COMMD5: variants seen among roughly 807,000 people sequenced by gnomAD.
COMMD5 encodes the protein COMM domain-containing protein 5.
COMMD5 carries 10 observed loss-of-function variants against 6.9 expected under a neutral mutation model. The ratio of observed to expected loss-of-function variants is 1.44; its 90% CI spans 0.89 to 2.45. The LOEUF (loss-of-function observed/expected upper bound fraction) is 2.45. COMMD5 is among the 30% of genes most tolerant of loss of function. COMMD5 has a pLI of 0.00. For synonymous variants in COMMD5, 127 were observed against 125.3 expected (o/e 1.01, Z -0.09); for missense variants, 234 against 287.8 (o/e 0.81, Z 1.35).
exon 2 of COMMD5, chr8:144,841,706 A>C: frequency 6.2e-7 from 1 of 1,614,184 alleles, no homozygotes; most frequent in Non-Finnish European, 8.5e-7. Context: ...AGATGCGAGG[A>C]GTGTGGCAAA....
In COMMD5 at chr8:144,851,099, C is replaced by T. The variant is rs1196595488; in HGVS notation, c.240G>A (p.Glu80=). ...RLGVSANLPE[E]QLGALLAGMH... Reference sequence around the variant, plus strand: ...TGCCTGCCAGCAGGGCACCCAGCTGCTCCTCCGGCAGGTTGGCGCTGACCC... The same window carrying T: ...TGCCTGCCAGCAGGGCACCCAGCTGTTCCTCCGGCAGGTTGGCGCTGACCC... Residue 80 remains glutamate (E), a synonymous_variant, in exon 2 of 2, where the codon GAG becomes GAA. Transcript: ENST00000305103. 2 of 1,612,160 alleles carry T rather than the reference C, an allele frequency of 1.2e-6. No homozygotes were observed. The highest frequency in any genetic ancestry group is 1.1e-5 in the South Asian group (1 of 90,986).
rs556218857 is a variant in COMMD5, at chr8:144,852,912, C to T, written c.-131G>A. On this transcript the variant is annotated 5_prime_UTR_variant, in exon 1 of 2. Transcript: ENST00000305103. ...GAACACAGCGGCGAAGCAGCCTTTCCTAGGCCCACACCCCCAGCTCGGGAG... is the reference window on the plus strand; with the variant it reads ...GAACACAGCGGCGAAGCAGCCTTTCTTAGGCCCACACCCCCAGCTCGGGAG... The T allele has an allele frequency of 1.3e-5, 2 of 152,560 alleles. No individual in the cohort carries two copies. The highest frequency in any genetic ancestry group is 2.1e-4 in the South Asian group (1 of 4,832). 9.5% of individuals were successfully genotyped at this position (152,560 alleles called of 1,614,324 possible). A position where few individuals can be genotyped will look rare whatever the true frequency, so the allele number is the denominator to read the frequency against.
intron 1 of COMMD5, chr8:144,842,254 A>G: frequency 6.2e-7 from 1 of 1,614,184 alleles, no homozygotes; most frequent in African/African-American, 1.3e-5. Flanking sequence ...GCATCAAAGG[A>G]TGCATACTGG....
At chr8:144,844,118 G>GT (rs1830341432) in intron 1 of COMMD5, among the ~76,000 whole-genome samples, 1 of 152,230 alleles carries the variant, frequency 6.6e-6, no homozygotes, top group South Asian at 2.1e-4. Context: ...GGCTTGCTGT[G>GT]TGACCTAGGA....
At chr8:144,842,098 G>A in intron 1 of COMMD5, 1 of 1,614,192 alleles carries the variant, frequency 6.2e-7, no homozygotes, top group Non-Finnish European at 8.5e-7. Flanking sequence ...CCACACAGGA[G>A]AGAGGCCCTA....
At chr8:144,842,005 C>T (rs779605458) in intron 1 of COMMD5, 1 of 1,614,188 alleles carries the variant, frequency 6.2e-7, no homozygotes, top group Admixed American at 1.7e-5. Context: ...TCAAAGAATC[C>T]ACACTGGGGA....
intron 1 of COMMD5, among the ~76,000 whole-genome samples, chr8:144,844,849 G>A (rs577353605): frequency 2.0e-5 from 3 of 152,076 alleles, no homozygotes; most frequent in South Asian, 4.2e-4. Flanking sequence ...AGATGGTTGA[G>A]TGAAGAACTT....
chr8:144,844,375 AG>A (rs911425231), intron 1 of COMMD5, among the ~76,000 whole-genome samples: 1 of 151,938 alleles, frequency 6.6e-6, no homozygotes, highest in Non-Finnish European at 1.5e-5. Context: ...TTTTTTTGGT[AG>A]GGGGGAACGC....
chr8:144,843,272 A>G, intron 1 of COMMD5: 8 of 1,362,078 alleles, frequency 5.9e-6, no homozygotes, highest in African/African-American at 1.5e-5. Context: ...AATGTTGGTA[A>G]AGGTTCAGAA....
chr8:144,846,804 T>C (rs1830534772), downstream of COMMD5: 1 of 152,162 alleles, frequency 6.6e-6, no homozygotes, highest in Non-Finnish European at 1.5e-5. Flanking sequence ...GTTCACGCCA[T>C]TCTCCTGCCT....
intron 1 of COMMD5, chr8:144,842,018 A>G: frequency 1.9e-6 from 3 of 1,614,124 alleles, no homozygotes; most frequent in South Asian, 1.1e-5. Flanking sequence ...ACTGGGGAGA[A>G]GCCCTACAGA....
intron 1 of COMMD5, among the ~76,000 whole-genome samples, chr8:144,844,172 G>C (rs1830345897): frequency 6.6e-6 from 1 of 152,154 alleles, no homozygotes; most frequent in Non-Finnish European, 1.5e-5. Flanking sequence ...TTGTGTATCT[G>C]AAAACATGCA....
chr8:144,842,946 G>A (rs747797568), intron 1 of COMMD5: 1 of 1,614,122 alleles, frequency 6.2e-7, no homozygotes, highest in South Asian at 1.1e-5. Flanking sequence ...ACGAATATGG[G>A]AATGCCCTGG....
downstream of COMMD5, chr8:144,847,203 T>A (rs1180207689): frequency 6.6e-6 from 1 of 152,270 alleles, no homozygotes; most frequent in Non-Finnish European, 1.5e-5. Context: ...GAAGAGGGGC[T>A]GCTCATGGGG....
At chr8:144,846,247 CT>C, downstream of COMMD5, 1 of 1,455,218 alleles carries the variant, frequency 6.9e-7, no homozygotes, top group Non-Finnish European at 9.2e-7. Context: ...CAAAAAGGGG[CT>C]GGGGTGCAAG....
At chr8:144,845,895 A>C, downstream of COMMD5, 1 of 1,366,650 alleles carries the variant, frequency 7.3e-7, no homozygotes, top group Non-Finnish European at 9.9e-7. Flanking sequence ...GCTGCTGAGA[A>C]GGGTCTTGGC....
intron 1 of COMMD5, chr8:144,842,389 C>T: frequency 6.2e-7 from 1 of 1,614,016 alleles, no homozygotes; most frequent in Non-Finnish European, 8.5e-7. Context: ...GATCTCTCGC[C>T]TGAGTCAGCA....
rs34156018 is a variant in COMMD5, at chr8:144,843,165, A to G, written c.*117-1422T>C. On this transcript the variant is annotated intron_variant and NMD_transcript_variant, in intron 1 of 1. Transcript: ENST00000530332. The stretch of plus-strand genomic sequence containing the variant: ...CCCAGCATCAAAAAATTCACATGGG[A>G]TAGACCACTTACATATAAATGTGTA... The G allele has an allele frequency of 9.0e-5, 142 of 1,575,140 alleles. No individual in the cohort carries two copies. In the African/African-American group the frequency reaches 1.8e-3, roughly 20 times the overall value.
intron 1 of COMMD5, chr8:144,842,688 C>T (rs1385476520): frequency 6.2e-7 from 1 of 1,614,082 alleles, no homozygotes; most frequent in South Asian, 1.1e-5. Context: ...CCTACGAATG[C>T]CTCCAATGCG....
Sources: allele counts gnomAD v4.1 joint callset (sites outside exome capture counted in the v4.1 genomes callset), GRCh38; gene constraint gnomAD v4.1.1; transcripts MANE v1.5; gene names NCBI Gene and HGNC (gene_info 2026-07-23, HGNC 2026-07-21).